PRKN: variants seen among roughly 807,000 people sequenced by gnomAD.
PRKN encodes E3 ubiquitin-protein ligase parkin.
PRKN carries 56 observed loss-of-function variants against 59.5 expected under a neutral mutation model. That is an observed-to-expected ratio of 0.94 (90% CI 0.76 to 1.18). PRKN has a LOEUF of 1.18. PRKN is among the 50% of genes most tolerant of loss of function. The pLI, the probability that PRKN is intolerant of heterozygous loss-of-function variation, is 0.00. For missense variants in PRKN, 657 were observed against 596.4 expected (o/e 1.10, Z -1.06); for synonymous variants, 250 against 222.1 (o/e 1.13, Z -1.12).
In PRKN at chr6:161,550,719, G is replaced by C. The variant is rs903696062; in HGVS notation, c.934-1716C>G. Among the ~76,000 whole-genome samples the C allele has an allele frequency of 2.2e-5, 3 of 136,282 alleles. No individual in the cohort carries two copies. The highest frequency in any genetic ancestry group is 4.8e-5 in the Non-Finnish European group (3 of 62,786). The allele number at this position is 136,282 out of a possible 152,430, so 89.4% of individuals were successfully genotyped here. On this transcript the variant is annotated intron_variant, in intron 8 of 11. Transcript: ENST00000366898. This position sits in a 1 kb window ranked among gnomAD's most constrained non-coding sequence, Gnocchi z 4.0. Reference sequence around the variant, plus strand: ...GTGGGGACAACTGTGGTAGAAGAAAGGGTATGTGTGTGTGTGCACGTGTGT... The same window carrying C: ...GTGGGGACAACTGTGGTAGAAGAAACGGTATGTGTGTGTGTGCACGTGTGT...
intron 7 of PRKN, among the ~76,000 whole-genome samples, chr6:161,660,820 G>A (rs1784516822): frequency 6.6e-6 from 1 of 152,104 alleles, no homozygotes; most frequent in Non-Finnish European, 1.5e-5. Flanking sequence ...GGCACGTCCT[G>A]ACTCAGTTTG....
At chr6:162,273,749 C>T (rs1780490596) in intron 2 of PRKN, among the ~76,000 whole-genome samples, 1 of 152,070 alleles carries the variant, frequency 6.6e-6, no homozygotes, top group African/African-American at 2.4e-5. Context: ...CTCACCTATC[C>T]AGAAGTTGCA....
intron 1 of PRKN, among the ~76,000 whole-genome samples, chr6:162,595,601 T>C (rs1189444152): frequency 6.6e-6 from 1 of 152,162 alleles, no homozygotes; most frequent in Non-Finnish European, 1.5e-5. Flanking sequence ...TTACAGTTAT[T>C]GTTTTTTTTT....
At chr6:161,622,369 C>T (rs576283376) in intron 7 of PRKN, among the ~76,000 whole-genome samples, 1 of 152,280 alleles carries the variant, frequency 6.6e-6, no homozygotes, top group South Asian at 2.1e-4. Context: ...CAGTAGCCAG[C>T]ACCAGGCCTG....
In PRKN at chr6:161,693,914, T is replaced by C. The variant is rs562690536; in HGVS notation, c.871+91858A>G. 2.2e-4 allele frequency among the ~76,000 whole-genome samples: 33 copies of C among 152,278 alleles called. 1 individual carries two copies. Among genetic ancestry groups the C allele is most frequent in the Non-Finnish European group, 4.3e-4 (29 of 68,014 alleles). The stretch of plus-strand genomic sequence containing the variant: ...GAAAATATTTACCGTATATCACAGA[T>C]AGATTGGCCACAGGCACTAAGCAGT... On this transcript the variant is annotated intron_variant, in intron 7 of 11. Coordinates refer to ENST00000366898, the MANE Select transcript of PRKN (RefSeq NM_004562.3).
At chr6:161,536,864 T>G (rs1337713502) in intron 9 of PRKN, among the ~76,000 whole-genome samples, 1 of 152,194 alleles carries the variant, frequency 6.6e-6, no homozygotes, top group Non-Finnish European at 1.5e-5. Context: ...ATAGACACAG[T>G]GACATAGCCT....
intron 7 of PRKN, among the ~76,000 whole-genome samples, chr6:161,715,025 T>C (rs539503786): frequency 1.9e-3 from 297 of 152,338 alleles, no homozygotes; most frequent in African/African-American, 6.8e-3. Flanking sequence ...TAAAACACTT[T>C]CATAACCAGA....
At chr6:161,517,151 A>G (rs950857444) in intron 9 of PRKN, among the ~76,000 whole-genome samples, 4 of 152,182 alleles carry the variant, frequency 2.6e-5, no homozygotes, top group African/African-American at 9.7e-5. Flanking sequence ...AAATGAGTAG[A>G]TGACTTCTTT....
chr6:161,764,795 C>A (rs902231179), intron 7 of PRKN, among the ~76,000 whole-genome samples: 12 of 152,142 alleles, frequency 7.9e-5, no homozygotes, highest in African/African-American at 2.7e-4. Flanking sequence ...GGTATTAAAT[C>A]CCTCAGGCAT....
chr6:162,100,891 G>C (rs1160113112), intron 4 of PRKN, among the ~76,000 whole-genome samples: 3 of 152,064 alleles, frequency 2.0e-5, no homozygotes, highest in East Asian at 3.9e-4. Flanking sequence ...TTTGAGAAAA[G>C]TTTATTCTGT....
intron 2 of PRKN, among the ~76,000 whole-genome samples, chr6:162,431,225 G>C (rs946615191): frequency 8.3e-6 from 1 of 120,012 alleles, no homozygotes; most frequent in Non-Finnish European, 1.7e-5. Flanking sequence ...GTGGAGAATG[G>C]ATAGTAGTTG....
chr6:161,626,526 C>T (rs1783096343), intron 7 of PRKN, among the ~76,000 whole-genome samples: 1 of 152,192 alleles, frequency 6.6e-6, no homozygotes, highest in Non-Finnish European at 1.5e-5. Flanking sequence ...ATGTGGTTGC[C>T]AGACTGAAAG....
rs1246858684 is a variant in PRKN at position 162,309,289 on chromosome 6, C to G, written c.172-46524G>C. 3.9e-5 allele frequency among the ~76,000 whole-genome samples: 6 copies of G among 152,102 alleles called. No individual in the cohort carries two copies. In the East Asian group the frequency reaches 7.7e-4, roughly 20 times the overall value. On this transcript the variant is annotated intron_variant, in intron 2 of 11. Transcript: ENST00000366898. ...AAGCGATTCTCCTGCCTCAGCCTCC[C>G]GAGTAGCTGGGATCACAGGTGCCTG... is the stretch of plus-strand genomic sequence containing the variant.
rs139440432 is a variant in PRKN at position 162,091,893 on chromosome 6, G to A, written c.535-37719C>T. ...TCTACAAAAATTACAAATATTAGCC[G>A]GGCATGGTGGCACATGCCTGTAGTT... On this transcript the variant is annotated intron_variant, in intron 4 of 11. Transcript: ENST00000366898. Among the ~76,000 whole-genome samples the A allele has an allele frequency of 5.9e-3, 901 of 151,942 alleles. 10 individuals are homozygous for A. The highest frequency in any genetic ancestry group is 0.018 in the African/African-American group (752 of 41,422).
At chr6:162,301,778 C>CGGCG (rs1781963064) in intron 2 of PRKN, among the ~76,000 whole-genome samples, 1 of 62,918 alleles carries the variant, frequency 1.6e-5, no homozygotes, top group Admixed American at 1.9e-4. Context: ...ATAAATTGGC[C>CGGCG]GGGGCGGGGG....
chr6:162,399,164 G>A (rs1787635046), intron 2 of PRKN, among the ~76,000 whole-genome samples: 1 of 152,072 alleles, frequency 6.6e-6, no homozygotes, highest in Admixed American at 6.6e-5. Context: ...TAAAATGAAT[G>A]TGAAAGCCAC....
intron 2 of PRKN, among the ~76,000 whole-genome samples, chr6:162,267,045 G>C (rs1237294938): frequency 6.6e-6 from 1 of 152,092 alleles, no homozygotes; most frequent in Non-Finnish European, 1.5e-5. Context: ...TGAAGAACCT[G>C]AGTGAATTTT....
At position 162,476,486 on chromosome 6, in the gene PRKN, C is replaced by T. The variant is rs114504685; in HGVS notation, c.8-33013G>A. 1.3e-3 allele frequency among the ~76,000 whole-genome samples: 200 copies of T among 152,202 alleles called. 1 individual carries two copies. The highest frequency in any genetic ancestry group is 4.5e-3 in the African/African-American group (187 of 41,514). ...GACTCATAAACTGTGTAAATTCATA[C>T]AAAAGTTTAGTAAATCTTCTCAATC... On this transcript the variant is annotated intron_variant, in intron 1 of 11. Transcript: ENST00000366898.
chr6:161,600,884 T>C (rs896051586), intron 7 of PRKN, among the ~76,000 whole-genome samples: 9 of 152,154 alleles, frequency 5.9e-5, no homozygotes, highest in South Asian at 2.1e-4. Context: ...TAGAAAACTA[T>C]TCAAAACCAC....
Sources: allele counts gnomAD v4.1 joint callset (sites outside exome capture counted in the v4.1 genomes callset), GRCh38; gene constraint gnomAD v4.1.1; non-coding constraint Gnocchi (gnomAD v3.1); transcripts MANE v1.5; gene names NCBI Gene and HGNC (gene_info 2026-07-23, HGNC 2026-07-21).